Variants in MVB12B observed in about 807,000 individuals in gnomAD.
MVB12B encodes multivesicular body subunit 12B.
In MVB12B, 16 loss-of-function variants were observed where a neutral mutation model predicts 41.6. That is an observed-to-expected ratio of 0.38 (90% CI 0.26 to 0.58). The LOEUF (loss-of-function observed/expected upper bound fraction) is 0.58, where lower values mean the gene tolerates loss of function less well. Among genes scored for constraint, MVB12B ranks in the 20% least tolerant of loss-of-function variants. MVB12B has a pLI of 0.62. For synonymous variants in MVB12B, 133 were observed against 139.7 expected, an observed-to-expected ratio of 0.95 and a Z score of 0.34; for missense variants, 274 against 380.2, an observed-to-expected ratio of 0.72 and a Z score of 2.32.
At chr9:126,500,850 C>G (rs901158077) in intron 9 of MVB12B, among the ~76,000 whole-genome samples, 2 of 152,246 alleles carry the variant, frequency 1.3e-5, no homozygotes, top group African/African-American at 2.4e-5. Context: ...CCCCCTGCCC[C>G]GCGAAGCCCT....
At chr9:126,393,031 C>T (rs1831003862) in intron 5 of MVB12B, among the ~76,000 whole-genome samples, 1 of 152,194 alleles carries the variant, frequency 6.6e-6, no homozygotes, top group African/African-American at 2.4e-5. Flanking sequence ...AAGCAGAGAA[C>T]TGCTGAGGCC....
At chr9:126,337,884 C>T (rs916883340) in intron 1 of MVB12B, among the ~76,000 whole-genome samples, 4 of 152,344 alleles carry the variant, frequency 2.6e-5, no homozygotes, top group Non-Finnish European at 2.9e-5. Context: ...TCCTTCCTGG[C>T]TTGAGGCTCC....
intron 7 of MVB12B, among the ~76,000 whole-genome samples, chr9:126,439,605 C>T (rs895112715): frequency 2.0e-5 from 3 of 152,206 alleles, no homozygotes; most frequent in Admixed American, 6.5e-5. Context: ...CACGCTCACA[C>T]GTACAGTACC....
rs559912889 is a variant in MVB12B, at chr9:126,344,498, C to A, written c.204+3868C>A. 3.5e-3 allele frequency among the ~76,000 whole-genome samples: 536 copies of A among 152,346 alleles called. 1 individual carries two copies. Among genetic ancestry groups the A allele is most frequent in the Non-Finnish European group, 4.9e-3 (332 of 68,036 alleles). Reference sequence around the variant, plus strand: ...CAGTTCTTCAGCGCCAGCTTTCTCCCCTGCTACCACATGGCGCCTTTTTTG... The same window carrying A: ...CAGTTCTTCAGCGCCAGCTTTCTCCACTGCTACCACATGGCGCCTTTTTTG... On this transcript the variant is annotated intron_variant, in intron 2 of 9. Coordinates refer to ENST00000361171, the MANE Select transcript of MVB12B (RefSeq NM_033446.3).
In MVB12B at chr9:126,395,688, A is replaced by C. The variant is rs200109520; in HGVS notation, c.653A>C (p.Asn218Thr). ...QSSAASTPAP[N>T]LPRHISLTLP... ...TCAGCTGCCTCCACCCCAGCCCCCAACCTTCCCAGGTGAGGCCTTGTCGGG... is the reference window on the plus strand; with the variant it reads ...TCAGCTGCCTCCACCCCAGCCCCCACCCTTCCCAGGTGAGGCCTTGTCGGG... The change falls in exon 6 of 10, where the codon AAC becomes ACC. Residue 218 changes from asparagine to threonine, a missense_variant. Transcript: ENST00000361171. The surrounding 1 kb of genome is among the most constrained non-coding windows in gnomAD (Gnocchi z 4.9). 2.5e-6 allele frequency: 4 copies of C among 1,613,714 alleles called. No homozygotes were observed. The highest frequency in any genetic ancestry group is 3.4e-6 in the Non-Finnish European group (4 of 1,179,922).
rs184474099 is a variant in MVB12B at position 126,354,179 on chromosome 9, C to T, written c.204+13549C>T. Reference sequence around the variant, plus strand: ...TGGCTCATATGGCTGGCTTTCTCTTCCTGGTTTCTAGGCTTCCCTTATATA... The same window carrying T: ...TGGCTCATATGGCTGGCTTTCTCTTTCTGGTTTCTAGGCTTCCCTTATATA... On this transcript the variant is annotated intron_variant, in intron 2 of 9. Transcript: ENST00000361171. Among the ~76,000 whole-genome samples, 823 of 152,238 alleles carry T rather than the reference C, an allele frequency of 5.4e-3. 10 individuals carry two copies. The highest frequency in any genetic ancestry group is 0.02 in the Middle Eastern group (6 of 294).
Position 126,480,015 on chromosome 9 carries a change from A to G in MVB12B, c.758-1354A>G, listed in dbSNP as rs888659822. ...GGACTGAGAAAGAAAAAATATGACC[A>G]CTGAAGGTTCCAGAGAAGTCATCAT... On this transcript the variant is annotated intron_variant, in intron 7 of 9. Transcript: ENST00000361171. The surrounding 1 kb of genome is among the most constrained non-coding windows in gnomAD (Gnocchi z 4.9). Among the ~76,000 whole-genome samples, 5 of 152,266 alleles carry G rather than the reference A, an allele frequency of 3.3e-5. No homozygotes were observed. Among genetic ancestry groups the G allele is most frequent in the Non-Finnish European group, 7.4e-5 (5 of 68,012 alleles).
intron 7 of MVB12B, among the ~76,000 whole-genome samples, chr9:126,449,044 T>C (rs1235404132): frequency 6.6e-6 from 1 of 152,212 alleles, no homozygotes; most frequent in African/African-American, 2.4e-5. Context: ...GCTGCCTCCC[T>C]GGCTGGACAT....
intron 2 of MVB12B, among the ~76,000 whole-genome samples, chr9:126,357,291 A>G (rs1385107622): frequency 1.3e-5 from 2 of 152,188 alleles, no homozygotes; most frequent in African/African-American, 4.8e-5. Flanking sequence ...TTGGGCTATT[A>G]AAGTAAAGCT....
intron 4 of MVB12B, among the ~76,000 whole-genome samples, chr9:126,390,686 C>G (rs1322688160): frequency 1.3e-5 from 2 of 152,118 alleles, no homozygotes; most frequent in Admixed American, 1.3e-4. Flanking sequence ...GGAGGCCAGG[C>G]GCGGTGGCTC....
At chr9:126,482,126 G>A (rs1453273938) in intron 8 of MVB12B, among the ~76,000 whole-genome samples, 1 of 152,270 alleles carries the variant, frequency 6.6e-6, no homozygotes, top group East Asian at 1.9e-4. Flanking sequence ...GCATGGCAGT[G>A]GGGTCTCTGC....
chr9:126,375,360 A>ATTTTTTT, intron 2 of MVB12B, among the ~76,000 whole-genome samples: 1 of 45,758 alleles, frequency 2.2e-5, no homozygotes, highest in Non-Finnish European at 4.2e-5. Context: ...TTTTAAATTG[A>ATTTTTTT]TTCTTTTTTT....
At chr9:126,447,252 T>C (rs1017113589) in intron 7 of MVB12B, among the ~76,000 whole-genome samples, 2 of 148,582 alleles carry the variant, frequency 1.3e-5, no homozygotes, top group Admixed American at 6.7e-5. Flanking sequence ...CAGCCACCTT[T>C]TTTTTTTTTT....
At chr9:126,377,170 G>A (rs547861727) in intron 2 of MVB12B, among the ~76,000 whole-genome samples, 2 of 152,294 alleles carry the variant, frequency 1.3e-5, no homozygotes, top group East Asian at 3.9e-4. Context: ...TGTACATTCC[G>A]CCACTGCCTG....
At chr9:126,410,885 TTTC>T (rs1831627021) in intron 6 of MVB12B, among the ~76,000 whole-genome samples, 1 of 148,130 alleles carries the variant, frequency 6.8e-6, no homozygotes, top group Non-Finnish European at 1.5e-5. Context: ...ATTTTGGTTA[TTTC>T]TTTTTTTTTT....
At chr9:126,451,635 CAG>C (rs1832890685) in intron 7 of MVB12B, among the ~76,000 whole-genome samples, 1 of 152,046 alleles carries the variant, frequency 6.6e-6, no homozygotes, top group African/African-American at 2.4e-5. Context: ...AAAAGCTGGA[CAG>C]AGGGATGAGG....
At chr9:126,384,704 T>A (rs1234148149) in intron 3 of MVB12B, among the ~76,000 whole-genome samples, 1 of 151,568 alleles carries the variant, frequency 6.6e-6, no homozygotes, top group Non-Finnish European at 1.5e-5. Context: ...AATTTTTGTA[T>A]TTTTTTTAAG....
At chr9:126,429,212 C>T (rs1215338253) in intron 7 of MVB12B, among the ~76,000 whole-genome samples, 1 of 152,068 alleles carries the variant, frequency 6.6e-6, no homozygotes, top group Admixed American at 6.5e-5. Flanking sequence ...CTATAAGAAC[C>T]CTTGTCTATC....
rs952814471 is a variant in MVB12B, at chr9:126,486,121, C to T, written c.873+2089C>T. 1.3e-5 allele frequency among the ~76,000 whole-genome samples: 2 copies of T among 152,104 alleles called. No individual in the cohort carries two copies. Among genetic ancestry groups the T allele is most frequent in the African/African-American group, 4.8e-5 (2 of 41,406 alleles). On this transcript the variant is annotated intron_variant, in intron 9 of 9. Coordinates refer to ENST00000361171, the MANE Select transcript of MVB12B (RefSeq NM_033446.3). The surrounding 1 kb of genome is among the most constrained non-coding windows in gnomAD (Gnocchi z 4.7). ...TAGCAAAAACAAGACAAAAAAGTCC[C>T]CCTTTGTCTTTGATTTTCAGTAAAT...
Sources: allele counts gnomAD v4.1 joint callset (sites outside exome capture counted in the v4.1 genomes callset), GRCh38; gene constraint gnomAD v4.1.1; non-coding constraint Gnocchi (gnomAD v3.1); transcripts MANE v1.5; gene names NCBI Gene and HGNC (gene_info 2026-07-23, HGNC 2026-07-21).